The following IFNGR1 variants were observed in gnomAD, a reference collection of about 807,000 sequenced individuals.
IFNGR1 encodes the protein interferon gamma receptor 1.
Under a neutral mutation model 35.4 loss-of-function variants are expected in IFNGR1, and 23 were observed. That is an observed-to-expected ratio of 0.65 (90% CI 0.47 to 0.92). IFNGR1 has a LOEUF of 0.92. Ranked by LOEUF, IFNGR1 falls within the 40% of genes least tolerant of loss-of-function variation. The pLI is 0.00. For missense variants in IFNGR1, 533 were observed against 583.4 expected (o/e 0.91, Z 0.89); for synonymous variants, 199 against 209.5 (o/e 0.95, Z 0.43).
At position 137,210,596 on chromosome 6, in the gene IFNGR1, G is replaced by C. The variant is rs138303424; in HGVS notation, c.86-3519C>G. On this transcript the variant is annotated intron_variant, in intron 1 of 6. Transcript: ENST00000367739. Reference sequence around the variant, plus strand: ...TAACTTATAATCATCCTCAAAAATTGTGAGAGGGACAGAAGTTTCTATTTT... The same window carrying C: ...TAACTTATAATCATCCTCAAAAATTCTGAGAGGGACAGAAGTTTCTATTTT... Among the ~76,000 whole-genome samples the C allele has an allele frequency of 3.1e-4, 47 of 152,312 alleles. No individual in the cohort carries two copies. In the East Asian group the frequency reaches 8.7e-3, roughly 28 times the overall value.
intron 1 of IFNGR1, among the ~76,000 whole-genome samples, chr6:137,216,155 T>C (rs914635302): frequency 1.1e-4 from 16 of 152,238 alleles, no homozygotes; most frequent in African/African-American, 1.7e-4. Flanking sequence ...GAAATAACTA[T>C]AGAATCCAAA....
intron 1 of IFNGR1, chr6:137,215,262 A>G: frequency 6.5e-7 from 1 of 1,547,988 alleles, no homozygotes; most frequent in South Asian, 1.2e-5. Context: ...TAAGGGGTAA[A>G]TTACCTCCAT....
chr6:137,200,707 C>T (rs1779256885), intron 6 of IFNGR1, among the ~76,000 whole-genome samples, 174 bp downstream of exon 6: 1 of 151,782 alleles, frequency 6.6e-6, no homozygotes, highest in South Asian at 2.1e-4. Flanking sequence ...AAACAAAATA[C>T]TTGCTGCACA....
At chr6:137,199,804 ATAATT>A (rs936294885) in intron 6 of IFNGR1, among the ~76,000 whole-genome samples, 2 of 151,248 alleles carry the variant, frequency 1.3e-5, no homozygotes, top group African/African-American at 2.4e-5. Context: ...ATACTGATAA[ATAATT>A]TAATAGATGG....
chr6:137,211,934 C>T (rs779370866), intron 1 of IFNGR1, among the ~76,000 whole-genome samples: 1 of 152,194 alleles, frequency 6.6e-6, no homozygotes, highest in Non-Finnish European at 1.5e-5. Context: ...AGCCTTCCTT[C>T]GGAGACCATT....
chr6:137,200,765 T>C (rs893239566), intron 6 of IFNGR1, 116 bp downstream of exon 6: 7 of 864,008 alleles, frequency 8.1e-6, no homozygotes, highest in Non-Finnish European at 1.2e-5. Context: ...ACTGACTGAT[T>C]GATGGCAGGT....
At chr6:137,202,181 C>T (rs899938105) in intron 5 of IFNGR1, among the ~76,000 whole-genome samples, 1 of 152,126 alleles carries the variant, frequency 6.6e-6, no homozygotes, top group Non-Finnish European at 1.5e-5. Context: ...ACAAAACCAA[C>T]ATTAGTGCTG....
Position 137,198,583 on chromosome 6 carries a change from T to C in IFNGR1, c.918A>G (p.Ser306=), listed in dbSNP as rs1437382475. Residue 306 remains serine, a synonymous_variant, in exon 7 of 7, where the codon TCA becomes TCG. Coordinates refer to ENST00000367739, the MANE Select transcript of IFNGR1 (RefSeq NM_000416.3). ...AAAATGGCTGGTATGACGTGATGAG[T>C]GATACATATTTTGATTCAGGTTTTG... The part of the protein sequence containing the change: ...LETKPESKYV[S]LITSYQPFSL... 3.1e-6 allele frequency: 5 copies of C among 1,613,814 alleles called. No individual in the cohort carries two copies. The highest frequency in any genetic ancestry group is 4.2e-6 in the Non-Finnish European group (5 of 1,179,928).
At chr6:137,216,952 A>T (rs1490801553) in intron 1 of IFNGR1, among the ~76,000 whole-genome samples, 1 of 152,220 alleles carries the variant, frequency 6.6e-6, no homozygotes, top group Non-Finnish European at 1.5e-5. Flanking sequence ...CGGGAGGCAG[A>T]CAGGCAATCC....
At chr6:137,201,241 TCTA>T (rs1205141990) in intron 5 of IFNGR1, among the ~76,000 whole-genome samples, 4 of 152,248 alleles carry the variant, frequency 2.6e-5, no homozygotes, top group Non-Finnish European at 5.9e-5. Context: ...CTGGGACTAT[TCTA>T]CTATGACACA....
chr6:137,216,450 TAAG>T (rs1288193772), intron 1 of IFNGR1, among the ~76,000 whole-genome samples: 2 of 152,176 alleles, frequency 1.3e-5, no homozygotes, highest in South Asian at 2.1e-4. Flanking sequence ...TATTTTCACT[TAAG>T]AAGTATTAAT....
intron 6 of IFNGR1, among the ~76,000 whole-genome samples, chr6:137,199,443 A>G (rs1582629163): frequency 1.1e-5 from 1 of 93,720 alleles, no homozygotes; most frequent in South Asian, 3.3e-4. Context: ...ATAATATAAT[A>G]TATAAAATAT....
intron 1 of IFNGR1, among the ~76,000 whole-genome samples, chr6:137,213,684 A>C (rs1171790615): frequency 6.6e-6 from 1 of 152,232 alleles, no homozygotes; most frequent in Non-Finnish European, 1.5e-5. Flanking sequence ...AGGACCAAAA[A>C]ATAGCAGTCG....
rs541734241 is a variant in IFNGR1, at chr6:137,218,439, G to A, written c.85+804C>T. On this transcript the variant is annotated intron_variant, in intron 1 of 6. Transcript: ENST00000367739. The stretch of plus-strand genomic sequence containing the variant: ...AATGCTCCGAAGAACAAACCCGTAC[G>A]AAGAGACCTACTGCCAAATCTGCTA... 1.6e-4 allele frequency: 201 copies of A among 1,243,746 alleles called. 1 individual carries two copies. In the South Asian group the frequency reaches 2.0e-3, roughly 12 times the overall value. The allele number at this position is 1,243,746 out of a possible 1,614,324, so 77.0% of individuals were successfully genotyped here. A position where few individuals can be genotyped will look rare whatever the true frequency, so the allele number is the denominator to read the frequency against.
chr6:137,210,558 T>C (rs1370773427), intron 1 of IFNGR1, among the ~76,000 whole-genome samples: 1 of 152,184 alleles, frequency 6.6e-6, no homozygotes, highest in African/African-American at 2.4e-5. Context: ...ATAGGAACAG[T>C]GGCTTCCAAA....
intron 1 of IFNGR1, among the ~76,000 whole-genome samples, chr6:137,213,706 C>T (rs1582643996): frequency 6.6e-6 from 1 of 152,150 alleles, no homozygotes; most frequent in East Asian, 1.9e-4. Context: ...GATAGCTCTG[C>T]AATAAATGTT....
chr6:137,219,178 C>A, intron 1 of IFNGR1, 65 bp downstream of exon 1: 1 of 1,545,958 alleles, frequency 6.5e-7, no homozygotes, highest in Non-Finnish European at 8.7e-7. Context: ...GGCTTCCCGG[C>A]TGGGGCGGAT....
At position 137,206,957 on chromosome 6, in the gene IFNGR1, A is replaced by C. The variant is rs771064624; in HGVS notation, c.200+6T>G. Reference sequence around the variant, plus strand: ...TAAAAAGGATAAATAAAAGAGTGACACTCACCCATAGTTCTTTACCTCTAC... The same window carrying C: ...TAAAAAGGATAAATAAAAGAGTGACCCTCACCCATAGTTCTTTACCTCTAC... On this transcript the variant is annotated splice_donor_region_variant and intron_variant, in intron 2 of 6. Transcript: ENST00000367739. 1 of 1,584,308 alleles carries C rather than the reference A, an allele frequency of 6.3e-7. No homozygotes were observed. Among genetic ancestry groups the C allele is most frequent in the Non-Finnish European group, 8.7e-7 (1 of 1,153,004 alleles).
At chr6:137,216,768 T>G (rs1582647004) in intron 1 of IFNGR1, among the ~76,000 whole-genome samples, 1 of 152,178 alleles carries the variant, frequency 6.6e-6, no homozygotes, top group South Asian at 2.1e-4. Context: ...GTGTTAGAAA[T>G]GCACTTTAAA....
Sources: allele counts gnomAD v4.1 joint callset (sites outside exome capture counted in the v4.1 genomes callset), GRCh38; gene constraint gnomAD v4.1.1; transcripts MANE v1.5; gene names NCBI Gene and HGNC (gene_info 2026-07-23, HGNC 2026-07-21).